The following PCSK9 variants were observed in gnomAD, a reference collection of about 807,000 sequenced individuals.
PCSK9 encodes proprotein convertase subtilisin/kexin type 9.
PCSK9 carries 57 observed loss-of-function variants against 62.1 expected under a neutral mutation model. The ratio of observed to expected loss-of-function variants is 0.92; its 90% CI spans 0.74 to 1.14. The LOEUF is 1.14. Ranked by LOEUF, PCSK9 falls within the 50% of genes most tolerant of loss-of-function variation. The probability of loss-of-function intolerance (pLI) is 0.00; values close to 1 mark genes in which losing one functional copy is unlikely to be tolerated. For missense variants in PCSK9, 870 were observed against 959.8 expected, an observed-to-expected ratio of 0.91 and a Z score of 1.24; for synonymous variants, 387 against 409.4, an observed-to-expected ratio of 0.95 and a Z score of 0.66.
In PCSK9 at chr1:55,052,513, T is replaced by C. The variant is rs28362243; in HGVS notation, c.657+102T>C. 1,856 of 1,552,098 alleles carry C rather than the reference T, an allele frequency of 1.2e-3. 16 individuals are homozygous for C. In the African/African-American group the frequency reaches 0.016, roughly 14 times the overall value. On this transcript the variant is annotated intron_variant, in intron 4 of 11. Coordinates refer to ENST00000302118, the MANE Select transcript of PCSK9 (RefSeq NM_174936.4). ...AGAGCGTTGCAGCTGTACTCCTGGG[T>C]TGCACCCCCCCCAGCTGTCACTGTC...
At chr1:55,063,117 ATCTG>A (rs1297118783) in intron 11 of PCSK9, among the ~76,000 whole-genome samples, 2 of 152,244 alleles carry the variant, frequency 1.3e-5, no homozygotes, top group African/African-American at 4.8e-5. Flanking sequence ...CATGGTAGGC[ATCTG>A]TCTATCTCCA....
intron 5 of PCSK9, among the ~76,000 whole-genome samples, chr1:55,055,639 A>G (rs1644708758): frequency 6.6e-6 from 1 of 152,164 alleles, no homozygotes; most frequent in Non-Finnish European, 1.5e-5. Context: ...AGGGCAGGCC[A>G]GGCAGGCTGG....
chr1:55,044,603 G>A (rs1043207672), intron 2 of PCSK9, among the ~76,000 whole-genome samples: 3 of 127,490 alleles, frequency 2.4e-5, no homozygotes, highest in East Asian at 2.2e-4. Flanking sequence ...TTAAAAAAAC[G>A]TTTTTATTTG....
In PCSK9 at chr1:55,039,592, A is replaced by C. The variant is rs965962204; in HGVS notation, c.-246A>C. The stretch of plus-strand genomic sequence containing the variant: ...TGGTTGCAGGCGGGCGCCGCCGTTC[A>C]GTTCAGGGTCTGAGCCTGGAGGAGT... On this transcript the variant is annotated 5_prime_UTR_variant, in exon 1 of 12. Transcript: ENST00000302118. The C allele has an allele frequency of 5.1e-6, 3 of 588,536 alleles. No individual in the cohort carries two copies. The highest frequency in any genetic ancestry group is 9.0e-6 in the Non-Finnish European group (3 of 333,266). The allele number at this position is 588,536 out of a possible 1,614,324, so 36.5% of individuals were successfully genotyped here.
Position 55,040,325 on chromosome 1 carries a change from G to A in PCSK9, c.207+281G>A, listed in dbSNP as rs1644589935. ...GAAGGTTCGCGGGGTTGGGAGACCC[G>A]GAGGCCGAGGAAGGGCGAGCAGAGC... On this transcript the variant is annotated intron_variant, in intron 1 of 11. Coordinates refer to ENST00000302118, the MANE Select transcript of PCSK9 (RefSeq NM_174936.4). This position sits in a 1 kb window ranked among gnomAD's most constrained non-coding sequence, Gnocchi z 4.1. Among the ~76,000 whole-genome samples the A allele has an allele frequency of 6.6e-6, 1 of 152,192 alleles. No individual in the cohort carries two copies. The highest frequency in any genetic ancestry group is 6.6e-5 in the Admixed American group (1 of 15,258).
chr1:55,051,860 T>C (rs1644676290), intron 3 of PCSK9: 5 of 302,068 alleles, frequency 1.7e-5, no homozygotes, highest in South Asian at 1.5e-4. Flanking sequence ...CAGACATCAC[T>C]GTTATTCTCC....
At chr1:55,047,523 A>C (rs1012000861) in intron 3 of PCSK9, among the ~76,000 whole-genome samples, 2 of 152,094 alleles carry the variant, frequency 1.3e-5, no homozygotes, top group Non-Finnish European at 2.9e-5. Flanking sequence ...TAAAATGGGC[A>C]CATAACCCTG....
intron 3 of PCSK9, chr1:55,051,332 C>T (rs1644671332): frequency 2.6e-6 from 1 of 383,838 alleles, no homozygotes; most frequent in African/African-American, 2.1e-5. Flanking sequence ...CCCTGCTTTT[C>T]CTGGCTGCAG....
Position 55,061,492 on chromosome 1 carries a change from GC to G in PCSK9, c.1800del (p.Cys601AlafsTer22). On this transcript the variant is annotated frameshift_variant, in exon 11 of 12. Transcript: ENST00000302118. LOFTEE classifies it high-confidence loss of function. ...GHREASIHASCCHAPGLECKV... is the reference protein window; with the variant it reads ...GHREASIHASXCHAPGLECKV... ...AGGGAGGCCAGCATCCACGCTTCCTGCTGCCATGCCCCAGGTCTGGAATGCA... is the reference window on the plus strand; with the variant it reads ...AGGGAGGCCAGCATCCACGCTTCCTGTGCCATGCCCCAGGTCTGGAATGCA... The G allele has an allele frequency of 1.2e-6, 2 of 1,605,322 alleles. No homozygotes were observed. The highest frequency in any genetic ancestry group is 1.7e-6 in the Non-Finnish European group (2 of 1,176,518).
At position 55,040,516 on chromosome 1, in the gene PCSK9, G is replaced by A. The variant is rs1311837023; in HGVS notation, c.207+472G>A. ...TGGTTTGGAAAACATGGGCAGCGGA[G>A]GGTGGAGGGCCTGGAGAGAAGGCCC... On this transcript the variant is annotated intron_variant, in intron 1 of 11. Coordinates refer to ENST00000302118, the MANE Select transcript of PCSK9 (RefSeq NM_174936.4). The surrounding 1 kb of genome is among the most constrained non-coding windows in gnomAD (Gnocchi z 4.1). Among the ~76,000 whole-genome samples the A allele has an allele frequency of 4.6e-5, 7 of 152,188 alleles. No individual in the cohort carries two copies. The highest frequency in any genetic ancestry group is 8.8e-5 in the Non-Finnish European group (6 of 68,038).
rs757194881 is a variant in PCSK9, at chr1:55,052,641, G to A, written c.658-9G>A. 2.9e-5 allele frequency: 46 copies of A among 1,612,604 alleles called. No individual in the cohort carries two copies. Among genetic ancestry groups the A allele is most frequent in the Admixed American group, 1.3e-4 (8 of 59,994 alleles). On this transcript the variant is annotated splice_polypyrimidine_tract_variant and intron_variant, in intron 4 of 11. Coordinates refer to ENST00000302118, the MANE Select transcript of PCSK9 (RefSeq NM_174936.4). ...TCTTTCTCATGTGGTCCTTGTGTTCGTCGAGCAGGCCAGCAAGTGTGACAG... is the reference window on the plus strand; with the variant it reads ...TCTTTCTCATGTGGTCCTTGTGTTCATCGAGCAGGCCAGCAAGTGTGACAG...
In PCSK9 at chr1:55,059,674, G is replaced by T; in HGVS notation, c.1681+11G>T. ...GCCACGTCCTCACAGGTAGGAGGCTGGGCTTGCCCTGGGGTGAGGAGGGGT... is the reference window on the plus strand; with the variant it reads ...GCCACGTCCTCACAGGTAGGAGGCTTGGCTTGCCCTGGGGTGAGGAGGGGT... On this transcript the variant is annotated intron_variant, in intron 10 of 11. Coordinates refer to ENST00000302118, the MANE Select transcript of PCSK9 (RefSeq NM_174936.4). The T allele has an allele frequency of 6.5e-7, 1 of 1,549,520 alleles. No homozygotes were observed.
intron 2 of PCSK9, among the ~76,000 whole-genome samples, chr1:55,046,101 G>T (rs552087592): frequency 6.6e-6 from 1 of 152,320 alleles, no homozygotes; most frequent in African/African-American, 2.4e-5. Context: ...GCTGCAGTTT[G>T]CACTGAGCAG....
At chr1:55,060,322 G>A (rs1174572799) in intron 10 of PCSK9, among the ~76,000 whole-genome samples, 1 of 152,208 alleles carries the variant, frequency 6.6e-6, no homozygotes, top group African/African-American at 2.4e-5. Flanking sequence ...AGCTGTTCTG[G>A]TTGGGTGGAG....
At position 55,046,621 on chromosome 1, in the gene PCSK9, C is replaced by A; in HGVS notation, c.498C>A (p.Tyr166Ter). The part of the protein sequence containing the change: ...WNLERITPPR[Y>*]RADEYQPPDG... Reference sequence around the variant, plus strand: ...TGGAGCGGATTACCCCTCCACGGTACCGGGCGGATGAATACCAGCCCCCCG... The same window carrying A: ...TGGAGCGGATTACCCCTCCACGGTAACGGGCGGATGAATACCAGCCCCCCG... Residue 166 changes from tyrosine (Y) to a stop codon, truncating the protein, a stop_gained, in exon 3 of 12, where the codon TAC (tyrosine) becomes TAA (stop). Transcript: ENST00000302118. LOFTEE classifies it high-confidence loss of function. 6.2e-7 allele frequency: 1 copy of A among 1,614,074 alleles called. No individual in the cohort carries two copies. The highest frequency in any genetic ancestry group is 8.5e-7 in the Non-Finnish European group (1 of 1,180,018).
At position 55,063,375 on chromosome 1, in the gene PCSK9, G is replaced by A. The variant is rs760437822; in HGVS notation, c.1870G>A (p.Val624Met). The part of the protein sequence containing the change: ...GIPAPQEQVT[V>M]ACEEGWTLTG... The stretch of plus-strand genomic sequence containing the variant: ...TTTCCTCGGGCTCTGGCAGGTGACC[G>A]TGGCCTGCGAGGAGGGCTGGACCCT... Residue 624 changes from valine (V) to methionine (M), a missense_variant, in exon 12 of 12, where the codon GTG (valine) becomes ATG (methionine). Physicochemically the swap from Val to Met is conservative, Grantham distance 21 (BLOSUM62 1). Coordinates refer to ENST00000302118, the MANE Select transcript of PCSK9 (RefSeq NM_174936.4). 2.2e-5 allele frequency: 36 copies of A among 1,613,430 alleles called. No homozygotes were observed. Among genetic ancestry groups the A allele is most frequent in the East Asian group, 1.1e-4 (5 of 44,866 alleles).
chr1:55,058,306 G>A (rs1320369596), intron 8 of PCSK9, 97 bp downstream of exon 8: 1 of 1,511,194 alleles, frequency 6.6e-7, no homozygotes, highest in African/African-American at 1.4e-5. Context: ...GTGTAAGGAG[G>A]ATGACGCCAC....
At chr1:55,057,673 G>A (rs1644725592) in intron 7 of PCSK9, among the ~76,000 whole-genome samples, 159 bp downstream of exon 7, 1 of 152,184 alleles carries the variant, frequency 6.6e-6, no homozygotes. Flanking sequence ...GATGAGGGAG[G>A]CGAGTGCACA....
Position 55,059,542 on chromosome 1 carries a change from C to T in PCSK9, c.1560C>T (p.Val520=), listed in dbSNP as rs542863545. The change falls in exon 10 of 12, where the codon GTC becomes GTT. Residue 520 remains valine, a synonymous_variant. Transcript: ENST00000302118. ...RAHNAFGGEG[V]YAIARCCLLP... ...ACAACGCTTTTGGGGGTGAGGGTGT[C>T]TACGCCATTGCCAGGTGCTGCCTGC... 1.8e-4 allele frequency: 278 copies of T among 1,561,596 alleles called. 1 individual carries two copies. The South Asian group carries it at 2.9e-3, about 16-fold the overall frequency.
Sources: gnomAD v4.1 joint callset for allele counts (sites outside exome capture counted in the v4.1 genomes callset) on GRCh38, gnomAD v4.1.1 for gene constraint, Gnocchi (gnomAD v3.1) non-coding constraint, MANE v1.5 for transcripts, NCBI Gene and HGNC (gene_info 2026-07-23, HGNC 2026-07-21) for gene names.